Variants in TMEM59 observed in about 807,000 individuals in gnomAD.
TMEM59 encodes the protein transmembrane protein 59.
In TMEM59, 44 loss-of-function variants were observed where a neutral mutation model predicts 42.2. The ratio of observed to expected loss-of-function variants is 1.04; its 90% confidence interval spans 0.82 to 1.34. TMEM59 has a LOEUF of 1.34. Ranked by LOEUF, TMEM59 falls within the 40% of genes most tolerant of loss-of-function variation. TMEM59 has a pLI of 0.00. For missense variants in TMEM59, 359 were observed against 382.8 expected (o/e 0.94, Z 0.52); for synonymous variants, 148 against 145.8 (o/e 1.02, Z -0.11).
At position 54,036,457 on chromosome 1, in the gene TMEM59, A is replaced by G. The variant is rs1656952948; in HGVS notation, c.816+153T>C. 3 of 506,750 alleles carry G rather than the reference A, an allele frequency of 5.9e-6. No individual in the cohort carries two copies. The Admixed American group carries it at 1.2e-4, about 20-fold the overall frequency. The allele number at this position is 506,750 out of a possible 1,614,324, so 31.4% of individuals were successfully genotyped here. On this transcript the variant is annotated intron_variant, in intron 7 of 7. Coordinates refer to ENST00000234831, the MANE Select transcript of TMEM59 (RefSeq NM_004872.5). ...ACAATTCTTGTGCTGCAAACCTGTA[A>G]TTTTTATGTGTGCCAACCTCTACCA...
chr1:54,030,160 T>G lies in TMEM59; in HGVS notation c.*1990A>C, dbSNP rs928315317. On this transcript the variant is annotated 3_prime_UTR_variant, in exon 8 of 8. Coordinates refer to ENST00000234831, the MANE Select transcript of TMEM59 (RefSeq NM_004872.5). ...GTTGCTTTAAAAAAAAAAAAAAAGA[T>G]GGGATTCTCATTATATTGCCCAGGA... 5 of 150,984 alleles carry G rather than the reference T, an allele frequency of 3.3e-5. No homozygotes were observed. The highest frequency in any genetic ancestry group is 7.4e-5 in the Non-Finnish European group (5 of 67,734). 9.4% of individuals were successfully genotyped at this position (150,984 alleles called of 1,614,324 possible).
chr1:54,040,486 TGTGTGGAGAAGCACATTCAACA>T (rs1331232467), intron 6 of TMEM59, among the ~76,000 whole-genome samples: 1 of 152,198 alleles, frequency 6.6e-6, no homozygotes, highest in African/African-American at 2.4e-5. Flanking sequence ...TTAATTTAAA[TGTGTGGAGAAGCACATTCAACA>T]TAAATCAAGA....
chr1:54,053,414 C>A, upstream of TMEM59: 1 of 572,834 alleles, frequency 1.7e-6, no homozygotes, highest in South Asian at 2.3e-5. Context: ...TCAACCATCG[C>A]AAGCGTTAGC....
chr1:54,048,498 G>A (rs1371536502), intron 1 of TMEM59, among the ~76,000 whole-genome samples: 9 of 152,194 alleles, frequency 5.9e-5, no homozygotes, highest in Admixed American at 2.0e-4. Flanking sequence ...CAATGTATAC[G>A]TGTGAAAGCT....
At chr1:54,033,071 GCATGCACCACCATGCC>G (rs906438192) in intron 7 of TMEM59, 1 of 151,772 alleles carries the variant, frequency 6.6e-6, no homozygotes, top group African/African-American at 2.4e-5. Context: ...AGGACTATAG[GCATGCACCACCATGCC>G]CAGCTAATTT....
At position 54,053,021 on chromosome 1, in the gene TMEM59, G is replaced by A. The variant is rs547415008; in HGVS notation, c.168C>T (p.Tyr56=). 1.9e-6 allele frequency: 3 copies of A among 1,614,108 alleles called. No individual in the cohort carries two copies. The highest frequency in any genetic ancestry group is 2.2e-5 in the South Asian group (2 of 91,064). The change falls in exon 1 of 8, where the codon TAC becomes TAT. Residue 56 remains tyrosine (Y), a synonymous_variant. Coordinates refer to ENST00000234831, the MANE Select transcript of TMEM59 (RefSeq NM_004872.5). ...CTACCTTAGGGTAGGTGTGCAAGGGGTAGGTCAACTGACAGGCCCGGTGGC... is the reference window on the plus strand; with the variant it reads ...CTACCTTAGGGTAGGTGTGCAAGGGATAGGTCAACTGACAGGCCCGGTGGC... ...ASCHRACQLT[Y]PLHTYPKEEE... is the part of the protein sequence containing the mutation.
rs1371941607 is a variant in TMEM59 at position 54,029,031 on chromosome 1, A to G, written c.*3119T>C. The G allele has an allele frequency of 4.6e-5, 7 of 152,232 alleles. No individual in the cohort carries two copies. The highest frequency in any genetic ancestry group is 1.9e-4 in the East Asian group (1 of 5,196). 9.4% of individuals were successfully genotyped at this position (152,232 alleles called of 1,614,324 possible). ...ACAAAAATTATAATGGAACTACTGT[A>G]TATCTTTAAAAAACTTGTAACAAAA... On this transcript the variant is annotated 3_prime_UTR_variant, in exon 8 of 8. Coordinates refer to ENST00000234831, the MANE Select transcript of TMEM59 (RefSeq NM_004872.5).
intron 2 of TMEM59, among the ~76,000 whole-genome samples, chr1:54,046,736 C>T (rs1222691577): frequency 2.0e-5 from 3 of 152,164 alleles, no homozygotes; most frequent in East Asian, 1.9e-4. Context: ...AAAAGTTAAA[C>T]GTCAATTGTG....
At chr1:54,053,279 C>G (rs1190403875), upstream of TMEM59, 2 of 1,493,670 alleles carry the variant, frequency 1.3e-6, no homozygotes, top group Middle Eastern at 1.9e-4. Context: ...TTCTCCGCCC[C>G]ACCGACCGTT....
At chr1:54,053,527 G>A (rs878899753), upstream of TMEM59, 2 of 268,778 alleles carry the variant, frequency 7.4e-6, no homozygotes, top group South Asian at 1.4e-4. Context: ...GTTGGTCTCG[G>A]AAAACTACAG....
chr1:54,049,399 A>G (rs1157142451), intron 1 of TMEM59, among the ~76,000 whole-genome samples: 2 of 152,232 alleles, frequency 1.3e-5, no homozygotes, highest in Admixed American at 6.5e-5. Context: ...GACATATTTA[A>G]TGAGCATCCA....
Position 54,045,710 on chromosome 1 carries a change from A to G in TMEM59, c.372T>C (p.Ala124=). The change falls in exon 3 of 8, where the codon GCT becomes GCC. Residue 124 remains alanine (A), a synonymous_variant. Coordinates refer to ENST00000234831, the MANE Select transcript of TMEM59 (RefSeq NM_004872.5). ...HLGCQNQLPF[A]ELRQEQLMSL... ...TTCGTACTTGTTCTTGTCTCAGTTC[A>G]GCGAATGGCAGCTGATTCTGGCAAC... is the stretch of plus-strand genomic sequence containing the variant. 6.2e-7 allele frequency: 1 copy of G among 1,614,140 alleles called. No individual in the cohort carries two copies.
At chr1:54,045,843 G>T (rs1657314821) in intron 2 of TMEM59, 57 bp from the exon 3 acceptor site, 1 of 1,435,522 alleles carries the variant, frequency 7.0e-7, no homozygotes, top group Admixed American at 2.1e-5. Context: ...AAAGAGGAAA[G>T]AAAAGGATTT....
intron 4 of TMEM59, among the ~76,000 whole-genome samples, chr1:54,042,048 TTTG>T (rs1657156314): frequency 6.7e-6 from 1 of 150,132 alleles, no homozygotes; most frequent in African/African-American, 2.5e-5. Flanking sequence ...CTGACAACGT[TTTG>T]TTTTGTTTTT....
chr1:54,029,008 A>G lies in TMEM59; in HGVS notation c.*3142T>C, dbSNP rs1253875106. 6.6e-6 allele frequency: 1 copy of G among 152,240 alleles called. No homozygotes were observed. The highest frequency in any genetic ancestry group is 1.9e-4 in the East Asian group (1 of 5,196). 9.4% of individuals were successfully genotyped at this position (152,240 alleles called of 1,614,324 possible). ...ATGTGGACTTGATATTTGAGTCCAC[A>G]AAAATTATAATGGAACTACTGTATA... On this transcript the variant is annotated 3_prime_UTR_variant, in exon 8 of 8. Coordinates refer to ENST00000234831, the MANE Select transcript of TMEM59 (RefSeq NM_004872.5).
intron 2 of TMEM59, among the ~76,000 whole-genome samples, 187 bp downstream of exon 2, chr1:54,047,078 CAG>C (rs1657364737): frequency 6.6e-6 from 1 of 152,264 alleles, no homozygotes; most frequent in South Asian, 2.1e-4. Flanking sequence ...TCTCAACAAA[CAG>C]ATGAAATTTA....
At chr1:54,041,523 A>G (rs1569950121) in intron 5 of TMEM59, among the ~76,000 whole-genome samples, 1 of 152,346 alleles carries the variant, frequency 6.6e-6, no homozygotes, top group East Asian at 1.9e-4. Flanking sequence ...GACCTAGTAA[A>G]TTAGAAACTC....
intron 7 of TMEM59, among the ~76,000 whole-genome samples, chr1:54,035,323 C>T (rs1259621917): frequency 6.6e-6 from 1 of 152,064 alleles, no homozygotes; most frequent in African/African-American, 2.4e-5. Context: ...TGTCTTTTCT[C>T]TTTTTCTATG....
In TMEM59 at chr1:54,028,021, G is replaced by A. The variant is rs1054602436; in HGVS notation, c.*4129C>T. On this transcript the variant is annotated 3_prime_UTR_variant, in exon 8 of 8. Coordinates refer to ENST00000234831, the MANE Select transcript of TMEM59 (RefSeq NM_004872.5). ...GATTAAAATGGTCACTCATGCAGATGATACCCAAATGCAAACATGACACGC... is the reference window on the plus strand; with the variant it reads ...GATTAAAATGGTCACTCATGCAGATAATACCCAAATGCAAACATGACACGC... 3.3e-5 allele frequency: 5 copies of A among 152,264 alleles called. No individual in the cohort carries two copies. The highest frequency in any genetic ancestry group is 4.8e-5 in the African/African-American group (2 of 41,442). 9.4% of individuals were successfully genotyped at this position (152,264 alleles called of 1,614,324 possible).
Sources: allele counts gnomAD v4.1 joint callset (sites outside exome capture counted in the v4.1 genomes callset), GRCh38; gene constraint gnomAD v4.1.1; transcripts MANE v1.5; gene names NCBI Gene and HGNC (gene_info 2026-07-23, HGNC 2026-07-21).